DIS3L2: variants seen among roughly 807,000 people sequenced by gnomAD.
The protein encoded by DIS3L2 is DIS3 like 3'-5' exoribonuclease 2, also known as DIS3-like exonuclease 2.
Under a neutral mutation model 97.5 loss-of-function variants are expected in DIS3L2, and 34 were observed. The observed-to-expected ratio is 0.35, with a 90% CI of 0.27 to 0.46. The LOEUF is 0.46. Ranked by LOEUF, DIS3L2 falls within the 20% of genes least tolerant of loss-of-function variation. The pLI is 1.00. For synonymous variants in DIS3L2, 435 were observed against 445.2 expected, an observed-to-expected ratio of 0.98 and a Z score of 0.29; for missense variants, 1,038 against 1,146.0, an observed-to-expected ratio of 0.91 and a Z score of 1.36.
At position 232,181,292 on chromosome 2, in the gene DIS3L2, G is replaced by A. The variant is rs565283344; in HGVS notation, c.1124+17660G>A. 1.1e-4 allele frequency among the ~76,000 whole-genome samples: 16 copies of A among 151,970 alleles called. No individual in the cohort carries two copies. In the East Asian group the frequency reaches 3.1e-3, roughly 30 times the overall value. Reference sequence around the variant, plus strand: ...GGCGAATCTGACAATTATGTGTCTTGGAGTTGCTCTTCTCGAGGAGTATCT... The same window carrying A: ...GGCGAATCTGACAATTATGTGTCTTAGAGTTGCTCTTCTCGAGGAGTATCT... On this transcript the variant is annotated intron_variant, in intron 9 of 20. Transcript: ENST00000325385.
At chr2:232,137,357 A>G (rs1256482460) in intron 8 of DIS3L2, among the ~76,000 whole-genome samples, 1 of 152,108 alleles carries the variant, frequency 6.6e-6, no homozygotes, top group African/African-American at 2.4e-5. Context: ...TGCTATGCCT[A>G]TTTTCTTCTT....
chr2:232,273,798 T>A (rs1694067978), intron 13 of DIS3L2, among the ~76,000 whole-genome samples: 1 of 148,246 alleles, frequency 6.7e-6, no homozygotes, highest in Non-Finnish European at 1.5e-5. Flanking sequence ...GATGCTGGCC[T>A]GCTGGCATGG....
At chr2:232,043,731 C>A (rs938143280) in intron 5 of DIS3L2, among the ~76,000 whole-genome samples, 1 of 152,098 alleles carries the variant, frequency 6.6e-6, no homozygotes, top group Admixed American at 6.5e-5. Flanking sequence ...TGTAGTAGTA[C>A]AGTTTTTGTA....
chr2:232,335,358 G>A, intron 19 of DIS3L2: 1 of 211,706 alleles, frequency 4.7e-6, no homozygotes, highest in Non-Finnish European at 9.5e-6. Context: ...GAACGACAGA[G>A]TCCCCCTGCG....
intron 6 of DIS3L2, among the ~76,000 whole-genome samples, chr2:232,091,782 C>T (rs1396049442): frequency 6.6e-6 from 1 of 152,144 alleles, no homozygotes; most frequent in African/African-American, 2.4e-5. Flanking sequence ...TATGAGGGTT[C>T]CCTTTTCTCC....
chr2:232,100,825 GTGTGTA>G (rs1306630944), intron 6 of DIS3L2, among the ~76,000 whole-genome samples: 15 of 149,042 alleles, frequency 1.0e-4, no homozygotes, highest in Non-Finnish European at 1.8e-4. Context: ...GTGTGTGTGT[GTGTGTA>G]TATATATCTC....
intron 5 of DIS3L2, among the ~76,000 whole-genome samples, chr2:232,065,549 T>C (rs1695830971): frequency 6.6e-6 from 1 of 152,096 alleles, no homozygotes; most frequent in Admixed American, 6.5e-5. Context: ...CTAGGCTCTA[T>C]ATTCTGTTCC....
At chr2:232,215,016 G>A (rs1241029985) in intron 10 of DIS3L2, among the ~76,000 whole-genome samples, 1 of 152,170 alleles carries the variant, frequency 6.6e-6, no homozygotes, top group African/African-American at 2.4e-5. Context: ...TTTGGGTGAC[G>A]AAAATGTTCT....
chr2:232,328,742 C>T (rs1695646905), intron 14 of DIS3L2: 1 of 152,330 alleles, frequency 6.6e-6, no homozygotes, highest in African/African-American at 2.4e-5. Context: ...CCCCATGTCT[C>T]CCTGAGGGGG....
chr2:232,302,974 A>T lies in DIS3L2; in HGVS notation c.1739+2855A>T, dbSNP rs73092128. Among the ~76,000 whole-genome samples, 782 of 152,320 alleles carry T rather than the reference A, an allele frequency of 5.1e-3. 5 individuals are homozygous for T. The highest frequency in any genetic ancestry group is 0.018 in the African/African-American group (737 of 41,570). The stretch of plus-strand genomic sequence containing the variant: ...AATAATACCTCTCTGGCAGGGTTGC[A>T]TGGGGCTCTCTGGCCGGGATATCAT... On this transcript the variant is annotated intron_variant, in intron 14 of 20. Transcript: ENST00000325385.
chr2:232,114,576 G>A (rs1697644331), intron 6 of DIS3L2, among the ~76,000 whole-genome samples: 1 of 152,156 alleles, frequency 6.6e-6, no homozygotes, highest in African/African-American at 2.4e-5. Flanking sequence ...CCATAGGAAG[G>A]GTGGTGAGAG....
chr2:232,028,251 T>G (rs1031748924), intron 4 of DIS3L2, among the ~76,000 whole-genome samples: 3 of 152,162 alleles, frequency 2.0e-5, no homozygotes, highest in Admixed American at 6.5e-5. Context: ...CTATTATCTA[T>G]TCTTTCTGAT....
chr2:232,266,346 G>A (rs1693857937), intron 13 of DIS3L2, among the ~76,000 whole-genome samples: 1 of 152,202 alleles, frequency 6.6e-6, no homozygotes, highest in Non-Finnish European at 1.5e-5. Flanking sequence ...TAAAGGTTAA[G>A]TGAGTTGCTT....
chr2:232,149,192 A>AG (rs901938535), intron 8 of DIS3L2, among the ~76,000 whole-genome samples: 18 of 138,570 alleles, frequency 1.3e-4, no homozygotes, highest in African/African-American at 5.5e-4. Flanking sequence ...AGCGCTTAAA[A>AG]GTTTTTTTTT....
intron 5 of DIS3L2, among the ~76,000 whole-genome samples, chr2:232,032,333 T>G (rs948369619): frequency 1.3e-5 from 2 of 152,232 alleles, no homozygotes; most frequent in African/African-American, 4.8e-5. Context: ...GTTCATATCC[T>G]TTGCCCACTT....
intron 5 of DIS3L2, among the ~76,000 whole-genome samples, chr2:232,077,858 A>G (rs1406407240): frequency 2.0e-5 from 3 of 152,184 alleles, no homozygotes; most frequent in Admixed American, 2.0e-4. Flanking sequence ...GAGTTCTCCA[A>G]AATATTGGCC....
intron 8 of DIS3L2, among the ~76,000 whole-genome samples, chr2:232,145,446 C>T (rs955650050): frequency 1.3e-5 from 2 of 152,144 alleles, no homozygotes; most frequent in African/African-American, 2.4e-5. Context: ...ATAATCACAT[C>T]ATTGGTAAGT....
At chr2:232,305,848 G>A (rs1348497837) in intron 14 of DIS3L2, among the ~76,000 whole-genome samples, 1 of 151,998 alleles carries the variant, frequency 6.6e-6, no homozygotes, top group African/African-American at 2.4e-5. Flanking sequence ...CCAGCTACCC[G>A]GGAGGCTGAG....
At chr2:232,018,837 C>A (rs1038232394) in intron 3 of DIS3L2, among the ~76,000 whole-genome samples, 8 of 151,734 alleles carry the variant, frequency 5.3e-5, no homozygotes, top group Non-Finnish European at 8.8e-5. Context: ...TTTGAAATGG[C>A]AATAACAGTA....
Sources: gnomAD v4.1 joint callset for allele counts (sites outside exome capture counted in the v4.1 genomes callset) on GRCh38, gnomAD v4.1.1 for gene constraint, MANE v1.5 for transcripts, NCBI Gene and HGNC (gene_info 2026-07-23, HGNC 2026-07-21) for gene names.